CACNA1H: variants seen among roughly 807,000 people sequenced by gnomAD.
CACNA1H encodes calcium voltage-gated channel subunit alpha1 H, also known as voltage-dependent T-type calcium channel subunit alpha-1H.
A neutral mutation model predicts 192.5 loss-of-function variants in CACNA1H; 149 were observed. The ratio of observed to expected loss-of-function variants is 0.77; its 90% CI spans 0.68 to 0.89. The LOEUF (loss-of-function observed/expected upper bound fraction) is 0.89. CACNA1H is among the 40% of genes least tolerant of loss of function. The probability of loss-of-function intolerance (pLI) is 0.00; values close to 1 mark genes in which losing one functional copy is unlikely to be tolerated. For synonymous variants in CACNA1H, 2,202 were observed against 1,475.2 expected, an observed-to-expected ratio of 1.49 and a Z score of -11.29; for missense variants, 4,257 against 3,423.5, an observed-to-expected ratio of 1.24 and a Z score of -6.08.
chr16:1,190,863 A>C (rs1013425423), intron 2 of CACNA1H, among the ~76,000 whole-genome samples: 6 of 151,288 alleles, frequency 4.0e-5, no homozygotes, highest in Non-Finnish European at 7.4e-5. Context: ...GGCCTCAGGC[A>C]CACTCGGGGT....
At chr16:1,165,406 C>T (rs1249442212) in intron 2 of CACNA1H, among the ~76,000 whole-genome samples, 2 of 152,204 alleles carry the variant, frequency 1.3e-5, no homozygotes, top group Admixed American at 6.5e-5. Context: ...TATTTTCTAA[C>T]CTTCCGTGGA....
chr16:1,175,134 G>A (rs1964748756), intron 2 of CACNA1H, among the ~76,000 whole-genome samples: 1 of 152,018 alleles, frequency 6.6e-6, no homozygotes, highest in South Asian at 2.1e-4. Context: ...AACGCCCACT[G>A]CCCCACGTAA....
rs372131818 is a variant in CACNA1H, at chr16:1,179,414, C to T, written c.300-15558C>T. Among the ~76,000 whole-genome samples, 104 of 152,232 alleles carry T rather than the reference C, an allele frequency of 6.8e-4. 1 individual carries two copies. The highest frequency in any genetic ancestry group is 2.4e-3 in the African/African-American group (101 of 41,538). On this transcript the variant is annotated intron_variant, in intron 2 of 34. Transcript: ENST00000348261. ...AGGTTGGGGAGGTGGGAGAGCCGAC[C>T]GAGCCGCTGCTGAGTGGCTGTTCCG...
In CACNA1H at chr16:1,212,500, T is replaced by G; in HGVS notation, c.4760-11T>G. 1 of 1,610,642 alleles carries G rather than the reference T, an allele frequency of 6.2e-7. No individual in the cohort carries two copies. The highest frequency in any genetic ancestry group is 8.5e-7 in the Non-Finnish European group (1 of 1,178,928). On this transcript the variant is annotated splice_polypyrimidine_tract_variant and intron_variant, in intron 25 of 34. Coordinates refer to ENST00000348261, the MANE Select transcript of CACNA1H (RefSeq NM_021098.3). ...GCCCTCGGCCCTCAGACCATCTCCTTGTCTTTCCAGGCACTTTCCCCAGCC... is the reference window on the plus strand; with the variant it reads ...GCCCTCGGCCCTCAGACCATCTCCTGGTCTTTCCAGGCACTTTCCCCAGCC...
At position 1,202,206 on chromosome 16, in the gene CACNA1H, C is replaced by T; in HGVS notation, c.1756C>T (p.Gln586Ter). 1.3e-6 allele frequency: 2 copies of T among 1,553,340 alleles called. No individual in the cohort carries two copies. Among genetic ancestry groups the T allele is most frequent in the Non-Finnish European group, 8.7e-7 (1 of 1,149,592 alleles). Residue 586 changes from glutamine (Q) to a stop codon, truncating the protein, a stop_gained, in exon 9 of 35, where the codon CAG becomes TAG. Coordinates refer to ENST00000348261, the MANE Select transcript of CACNA1H (RefSeq NM_021098.3). LOFTEE classifies it high-confidence loss of function. ...TGCCGACTGCCACATAGAGGGGCCG[C>T]AGGAGAGGGCCCGGGTGGCACATGC... ...YHADCHIEGP[Q>*]ERARVAHAAA...
At chr16:1,198,365 T>C (rs1210800448) in intron 5 of CACNA1H, among the ~76,000 whole-genome samples, 1 of 152,172 alleles carries the variant, frequency 6.6e-6, no homozygotes, top group Non-Finnish European at 1.5e-5. Context: ...GGTGGAGACC[T>C]GGCGCCCCGC....
chr16:1,197,322 G>C (rs188966313), intron 5 of CACNA1H, among the ~76,000 whole-genome samples: 1 of 152,214 alleles, frequency 6.6e-6, no homozygotes, highest in Non-Finnish European at 1.5e-5. Flanking sequence ...CCCTTTGCCC[G>C]GCACCCACTG....
rs536161740 is a variant in CACNA1H, at chr16:1,163,527, C to T, written c.299+9491C>T. On this transcript the variant is annotated intron_variant, in intron 2 of 34. Coordinates refer to ENST00000348261, the MANE Select transcript of CACNA1H (RefSeq NM_021098.3). ...TGGCCAGAGAGCAGCCACGACCTGC[C>T]GGGAAGGTGTGGAGGGGCGAGGGTC... Among the ~76,000 whole-genome samples, 501 of 152,330 alleles carry T rather than the reference C, an allele frequency of 3.3e-3. 5 individuals carry two copies. The highest frequency in any genetic ancestry group is 0.016 in the South Asian group (76 of 4,830).
chr16:1,162,949 C>T (rs950469667), intron 2 of CACNA1H, among the ~76,000 whole-genome samples: 1 of 152,230 alleles, frequency 6.6e-6, no homozygotes, highest in African/African-American at 2.4e-5. Flanking sequence ...GGGTGCCTGG[C>T]CCTGCGGCCA....
Position 1,204,914 on chromosome 16 carries a change from C to G in CACNA1H, c.2452-200C>G, listed in dbSNP as rs13334496. 8.2e-3 allele frequency among the ~76,000 whole-genome samples: 69 copies of G among 8,398 alleles called. 13 individuals carry two copies. The highest frequency in any genetic ancestry group is 0.013 in the Non-Finnish European group (54 of 4,040). The allele number at this position is 8,398 out of a possible 152,430, so 5.5% of individuals were successfully genotyped here. ...GGAGGGGTGGGAGCCGCGGGTGGGG[C>G]CCCAGATCAGTGCCGGGGAGGGGTG... On this transcript the variant is annotated intron_variant, in intron 10 of 34. Coordinates refer to ENST00000348261, the MANE Select transcript of CACNA1H (RefSeq NM_021098.3).
intron 8 of CACNA1H, 55 bp downstream of exon 8, chr16:1,200,863 G>C: frequency 7.2e-7 from 1 of 1,385,704 alleles, no homozygotes. Flanking sequence ...GCTGGCTGGG[G>C]GTGGGGTGGG....
intron 2 of CACNA1H, among the ~76,000 whole-genome samples, chr16:1,171,490 G>A (rs2151707938): frequency 6.6e-6 from 1 of 152,338 alleles, no homozygotes; most frequent in East Asian, 1.9e-4. Flanking sequence ...AGGCCCGCGG[G>A]AAGCTTCTGG....
Position 1,220,023 on chromosome 16 carries a change from C to T in CACNA1H, c.6091C>T (p.Pro2031Ser), listed in dbSNP as rs1970357281. 3 of 1,406,304 alleles carry T rather than the reference C, an allele frequency of 2.1e-6. No homozygotes were observed. The highest frequency in any genetic ancestry group is 1.5e-5 in the African/African-American group (1 of 66,608). The allele number at this position is 1,406,304 out of a possible 1,614,324, so 87.1% of individuals were successfully genotyped here. A position where few individuals can be genotyped will look rare whatever the true frequency, so the allele number is the denominator to read the frequency against. ...TDSLEGKIDS[P>S]RDTLDPAEPG... The stretch of plus-strand genomic sequence containing the variant: ...TTCCTTGGAAGGGAAGATTGACAGC[C>T]CTAGGGACACCCTGGATCCTGCAGA... The change falls in exon 35 of 35, where the codon CCT becomes TCT. Residue 2031 changes from proline (P) to serine (S), a missense_variant. By Grantham distance (74) the Pro-to-Ser change is moderately conservative. Transcript: ENST00000348261.
intron 2 of CACNA1H, among the ~76,000 whole-genome samples, chr16:1,164,644 G>A (rs576386282): frequency 6.6e-6 from 1 of 152,352 alleles, no homozygotes; most frequent in Admixed American, 6.5e-5. Context: ...CACAGAATGG[G>A]GCACAGTTAA....
chr16:1,165,675 C>A (rs868088124), intron 2 of CACNA1H, among the ~76,000 whole-genome samples: 1 of 152,230 alleles, frequency 6.6e-6, no homozygotes, highest in Non-Finnish European at 1.5e-5. Context: ...TGGCTGCACG[C>A]TGGGGTCACC....
At chr16:1,178,523 A>G (rs1414837044) in intron 2 of CACNA1H, among the ~76,000 whole-genome samples, 2 of 152,146 alleles carry the variant, frequency 1.3e-5, no homozygotes, top group Non-Finnish European at 2.9e-5. Flanking sequence ...GAGGGGTGAC[A>G]GTGGCGTCTA....
intron 5 of CACNA1H, among the ~76,000 whole-genome samples, chr16:1,198,264 C>T (rs139135992): frequency 2.0e-5 from 3 of 149,016 alleles, no homozygotes; most frequent in Non-Finnish European, 3.0e-5. Flanking sequence ...GCAGCCAGTT[C>T]CCTGCCTCGG....
At chr16:1,173,789 G>A (rs931246936) in intron 2 of CACNA1H, among the ~76,000 whole-genome samples, 2 of 152,272 alleles carry the variant, frequency 1.3e-5, no homozygotes, top group African/African-American at 4.8e-5. Context: ...CTGAAAGGCT[G>A]TGGGTGTTGA....
At chr16:1,198,397 G>A (rs571632050) in intron 5 of CACNA1H, among the ~76,000 whole-genome samples, 1 of 152,180 alleles carries the variant, frequency 6.6e-6, no homozygotes, top group Non-Finnish European at 1.5e-5. Flanking sequence ...CAGACCCCAG[G>A]GTGTCAGTGT....
Sources: allele counts gnomAD v4.1 joint callset (sites outside exome capture counted in the v4.1 genomes callset), GRCh38; gene constraint gnomAD v4.1.1; transcripts MANE v1.5; gene names NCBI Gene and HGNC (gene_info 2026-07-23, HGNC 2026-07-21).